TNK2: variants seen among roughly 807,000 people sequenced by gnomAD.
TNK2 encodes activated CDC42 kinase 1.
TNK2 carries 83 observed loss-of-function variants against 101.8 expected under a neutral mutation model. That is an observed-to-expected ratio of 0.82 (90% CI 0.68 to 0.98). The LOEUF is 0.98. Ranked by LOEUF, TNK2 falls within the 50% of genes least tolerant of loss-of-function variation. The probability of loss-of-function intolerance (pLI) is 0.00; values close to 1 mark genes in which losing one functional copy is unlikely to be tolerated. For synonymous variants in TNK2, 804 were observed against 633.0 expected, an observed-to-expected ratio of 1.27 and a Z score of -4.06; for missense variants, 1,665 against 1,483.2, an observed-to-expected ratio of 1.12 and a Z score of -2.01.
chr3:195,907,599 G>A (rs1039447750), intron 1 of TNK2, among the ~76,000 whole-genome samples: 1 of 152,232 alleles, frequency 6.6e-6, no homozygotes, highest in Non-Finnish European at 1.5e-5. Context: ...AGCCCGCCAA[G>A]CCCCCTGGGG....
intron 9 of TNK2, chr3:195,876,587 G>A (rs1749434023): frequency 4.4e-6 from 2 of 456,308 alleles, no homozygotes. Context: ...CGGCTGTTGT[G>A]GCCTCCTGCC....
At position 195,878,964 on chromosome 3, in the gene TNK2, G is replaced by A. The variant is rs573577520; in HGVS notation, c.1014+85C>T. Reference sequence around the variant, plus strand: ...GTGGGAGGAGGGAGTCCATTGGTGAGAGGCAGTTCCAGCAGGGCCAGGCTG... The same window carrying A: ...GTGGGAGGAGGGAGTCCATTGGTGAAAGGCAGTTCCAGCAGGGCCAGGCTG... On this transcript the variant is annotated intron_variant, in intron 7 of 15. Coordinates refer to ENST00000672887, the MANE Select transcript of TNK2 (RefSeq NM_001382273.1). This position sits in a 1 kb window ranked among gnomAD's most constrained non-coding sequence, Gnocchi z 4.7. The A allele has an allele frequency of 6.4e-5, 101 of 1,569,614 alleles. No homozygotes were observed. The highest frequency in any genetic ancestry group is 2.9e-4 in the South Asian group (25 of 87,462).
chr3:195,878,973 C>G lies in TNK2; in HGVS notation c.1014+76G>C. 1.9e-6 allele frequency: 3 copies of G among 1,577,104 alleles called. No individual in the cohort carries two copies. The highest frequency in any genetic ancestry group is 1.7e-6 in the Non-Finnish European group (2 of 1,163,360). ...GGGAGTCCATTGGTGAGAGGCAGTTCCAGCAGGGCCAGGCTGCAAGCAGGG... is the reference window on the plus strand; with the variant it reads ...GGGAGTCCATTGGTGAGAGGCAGTTGCAGCAGGGCCAGGCTGCAAGCAGGG... On this transcript the variant is annotated intron_variant, in intron 7 of 15. Transcript: ENST00000672887. The surrounding 1 kb of genome is among the most constrained non-coding windows in gnomAD (Gnocchi z 4.7).
In TNK2 at chr3:195,872,347, G is replaced by T. The variant is rs201981998; in HGVS notation, c.1380C>A (p.Asn460Lys). ...SAQDISQPLQ[N>K]SFIHTGHGDS... is the part of the protein sequence containing the mutation. The stretch of plus-strand genomic sequence containing the variant: ...CGCCATGCCCTGTGTGGATGAAGCT[G>T]TTCTGCAGGGGCTGGCTGATGTCCT... Residue 460 changes from asparagine to lysine, a missense_variant, in exon 10 of 16, where the codon AAC becomes AAA. By Grantham distance (94) the Asn-to-Lys change is moderately conservative. Coordinates refer to ENST00000672887, the MANE Select transcript of TNK2 (RefSeq NM_001382273.1). 1.9e-6 allele frequency: 3 copies of T among 1,613,412 alleles called. No individual in the cohort carries two copies. The highest frequency in any genetic ancestry group is 2.5e-6 in the Non-Finnish European group (3 of 1,179,932).
chr3:195,864,912 C>G (rs2149144888), intron 15 of TNK2, among the ~76,000 whole-genome samples: 1 of 131,268 alleles, frequency 7.6e-6, no homozygotes, highest in South Asian at 2.6e-4. Flanking sequence ...CAGTAAGAAC[C>G]ACCCGAGACA....
chr3:195,889,541 A>G (rs928045615), intron 1 of TNK2, among the ~76,000 whole-genome samples: 1 of 152,180 alleles, frequency 6.6e-6, no homozygotes, highest in Non-Finnish European at 1.5e-5. Context: ...CATTAACCAT[A>G]CCATTCTGTT....
chr3:195,906,725 A>T (rs1249687045), intron 1 of TNK2, among the ~76,000 whole-genome samples: 2 of 152,210 alleles, frequency 1.3e-5, no homozygotes, highest in Admixed American at 6.5e-5. Flanking sequence ...TGTGTGTTTT[A>T]AATATGCTCA....
intron 1 of TNK2, among the ~76,000 whole-genome samples, chr3:195,905,034 A>C (rs1475528486): frequency 1.3e-5 from 2 of 152,222 alleles, no homozygotes; most frequent in Non-Finnish European, 2.9e-5. Flanking sequence ...TAGCTAAAGC[A>C]ATTTTGAAAA....
At chr3:195,874,197 G>T (rs1747504985) in intron 9 of TNK2, among the ~76,000 whole-genome samples, 1 of 152,216 alleles carries the variant, frequency 6.6e-6, no homozygotes, top group African/African-American at 2.4e-5. Flanking sequence ...CTCAGTAACT[G>T]GGTGAGAATG....
At chr3:195,864,301 G>A in intron 15 of TNK2, 114 bp from the exon 16 acceptor site, 5 of 1,167,240 alleles carry the variant, frequency 4.3e-6, no homozygotes, top group Non-Finnish European at 6.3e-6. Context: ...GCAGTCCCCG[G>A]CAAGGACTGT....
chr3:195,904,191 G>A (rs1391105965), intron 1 of TNK2, among the ~76,000 whole-genome samples: 16 of 151,174 alleles, frequency 1.1e-4, no homozygotes, highest in Admixed American at 8.6e-4. Flanking sequence ...CCAGGAAGTC[G>A]AGGTTGCAGT....
At chr3:195,898,090 C>T (rs571231219) in intron 1 of TNK2, among the ~76,000 whole-genome samples, 58 of 152,096 alleles carry the variant, frequency 3.8e-4, no homozygotes, top group African/African-American at 1.3e-3. Flanking sequence ...ACCCCTTAAA[C>T]TCTGCTTCTG....
Position 195,868,282 on chromosome 3 carries a change from C to G in TNK2, c.2016G>C (p.Ala672=). 6.2e-7 allele frequency: 1 copy of G among 1,604,026 alleles called. No homozygotes were observed. Among genetic ancestry groups the G allele is most frequent in the Non-Finnish European group, 8.5e-7 (1 of 1,179,552 alleles). The part of the protein sequence containing the change: ...ICSINSTLVG[A]GVPAGPSQGQ... ...CCTGGCTGGGCCCGGCAGGGACCCCCGCGCCCACGAGGGTGCTGTTGATGG... is the reference window on the plus strand; with the variant it reads ...CCTGGCTGGGCCCGGCAGGGACCCCGGCGCCCACGAGGGTGCTGTTGATGG... The change falls in exon 13 of 16, where the codon GCG becomes GCC. Residue 672 remains alanine (A), a synonymous_variant. Transcript: ENST00000672887.
intron 1 of TNK2, among the ~76,000 whole-genome samples, chr3:195,893,280 C>T (rs988979638): frequency 4.6e-5 from 7 of 151,832 alleles, no homozygotes; most frequent in Admixed American, 2.6e-4. Context: ...AATAGGCGGC[C>T]GGCAGCCTGC....
chr3:195,869,978 C>T (rs1050642854), intron 11 of TNK2, 136 bp downstream of exon 11: 7 of 691,366 alleles, frequency 1.0e-5, no homozygotes, highest in South Asian at 2.3e-5. Flanking sequence ...GAGCCAGGGA[C>T]ACAGCTGTCC....
intron 1 of TNK2, among the ~76,000 whole-genome samples, chr3:195,890,819 G>T (rs71321861): frequency 6.6e-6 from 1 of 152,180 alleles, no homozygotes; most frequent in African/African-American, 2.4e-5. Context: ...GAACATAGCA[G>T]AAGTCCACTA....
chr3:195,886,883 T>C lies in TNK2; in HGVS notation c.234+94A>G. 7.1e-7 allele frequency: 1 copy of C among 1,403,222 alleles called. No individual in the cohort carries two copies. The highest frequency in any genetic ancestry group is 1.2e-5 in the South Asian group (1 of 86,694). 86.9% of individuals were successfully genotyped at this position (1,403,222 alleles called of 1,614,324 possible). A position where few individuals can be genotyped will look rare whatever the true frequency, so the allele number is the denominator to read the frequency against. Reference sequence around the variant, plus strand: ...GCCGGCAGAACGGCGAGATTCGACCTGCCGGGGAGCTGGGGAAGGTTCCCA... The same window carrying C: ...GCCGGCAGAACGGCGAGATTCGACCCGCCGGGGAGCTGGGGAAGGTTCCCA... On this transcript the variant is annotated intron_variant, in intron 3 of 15. Transcript: ENST00000672887. The surrounding 1 kb of genome is among the most constrained non-coding windows in gnomAD (Gnocchi z 4.2).
chr3:195,865,047 G>A (rs542927711), intron 15 of TNK2, among the ~76,000 whole-genome samples: 70 of 140,182 alleles, frequency 5.0e-4, no homozygotes, highest in Non-Finnish European at 8.8e-4. Flanking sequence ...AGAACCACCC[G>A]AGACAGTGAC....
rs1408614584 is a variant in TNK2, at chr3:195,868,669, C to A, written c.1629G>T (p.Leu543Phe). ...YDPVSEDQDP[L>F]SSDFKRLGLR... ...GGCCCAGCCTCTTGAAGTCGCTGGA[C>A]AAGGGGTCTTGGTCCTCGCTCACAG... The change falls in exon 13 of 16, where the codon TTG becomes TTT. Residue 543 changes from leucine (L) to phenylalanine (F), a missense_variant. Leu to Phe is a conservative substitution (Grantham distance 22). Coordinates refer to ENST00000672887, the MANE Select transcript of TNK2 (RefSeq NM_001382273.1). The A allele has an allele frequency of 5.0e-6, 8 of 1,593,270 alleles. No homozygotes were observed. The highest frequency in any genetic ancestry group is 6.8e-6 in the Non-Finnish European group (8 of 1,177,770).
Sources: gnomAD v4.1 joint callset for allele counts (sites outside exome capture counted in the v4.1 genomes callset) on GRCh38, gnomAD v4.1.1 for gene constraint, Gnocchi (gnomAD v3.1) non-coding constraint, MANE v1.5 for transcripts, NCBI Gene and HGNC (gene_info 2026-07-23, HGNC 2026-07-21) for gene names.